The following RAB11FIP2 variants were observed in gnomAD, a reference collection of about 807,000 sequenced individuals.
The protein encoded by RAB11FIP2 is rab11 family-interacting protein 2.
In RAB11FIP2, 16 loss-of-function variants were observed where a neutral mutation model predicts 40.9. The ratio of observed to expected loss-of-function variants is 0.39; its 90% CI spans 0.26 to 0.59. RAB11FIP2 has a LOEUF of 0.59. Ranked by LOEUF, RAB11FIP2 falls within the 20% of genes least tolerant of loss-of-function variation. RAB11FIP2 has a pLI of 0.53. For missense variants in RAB11FIP2, 532 were observed against 606.2 expected, an observed-to-expected ratio of 0.88 and a Z score of 1.28; for synonymous variants, 228 against 213.7, an observed-to-expected ratio of 1.07 and a Z score of -0.58.
In RAB11FIP2 at chr10:118,009,229, G is replaced by GA. The variant is rs1244630503; in HGVS notation, c.1312-5dup. 2 of 1,604,510 alleles carry GA rather than the reference G, an allele frequency of 1.2e-6. No homozygotes were observed. Among genetic ancestry groups the GA allele is most frequent in the South Asian group, 2.2e-5 (2 of 90,758 alleles). On this transcript the variant is annotated splice_polypyrimidine_tract_variant and splice_region_variant and intron_variant, in intron 4 of 4. Coordinates refer to ENST00000355624, the MANE Select transcript of RAB11FIP2 (RefSeq NM_014904.3). ...TGGCATCAAAGGGGTTGCTGTCCTA[G>GA]AACAGGATAAAGACTGTCACTTTCA...
chr10:118,014,594 A>T (rs1193447421), intron 4 of RAB11FIP2, among the ~76,000 whole-genome samples: 2 of 152,174 alleles, frequency 1.3e-5, no homozygotes, highest in African/African-American at 4.8e-5. Context: ...AGTGTCCTAA[A>T]GTATTTGTTC....
chr10:118,038,167 C>T (rs1456250112), intron 3 of RAB11FIP2, among the ~76,000 whole-genome samples: 1 of 151,582 alleles, frequency 6.6e-6, no homozygotes, highest in Non-Finnish European at 1.5e-5. Flanking sequence ...CCTTAATCAG[C>T]TATTTCATCG....
chr10:118,023,461 G>T (rs1846305513), intron 3 of RAB11FIP2, among the ~76,000 whole-genome samples: 1 of 152,048 alleles, frequency 6.6e-6, no homozygotes, highest in South Asian at 2.1e-4. Flanking sequence ...CAGATGAAAA[G>T]ACTACATTCT....
chr10:118,023,973 C>G (rs373048658), intron 3 of RAB11FIP2, among the ~76,000 whole-genome samples: 14 of 151,816 alleles, frequency 9.2e-5, no homozygotes, highest in African/African-American at 3.4e-4. Context: ...GTCTATAATC[C>G]CAGCTACTCA....
At position 118,007,452 on chromosome 10, in the gene RAB11FIP2, A is replaced by AC. The variant is rs1422342825; in HGVS notation, c.*1545_*1546insG. The stretch of plus-strand genomic sequence containing the variant: ...ATTCAAAATACTAAAATAAGCAAAA[A>AC]AAAAAAACCCAAACTATTATATCGG... On this transcript the variant is annotated 3_prime_UTR_variant, in exon 5 of 5. Transcript: ENST00000355624. 1 of 151,846 alleles carries AC rather than the reference A, an allele frequency of 6.6e-6. No homozygotes were observed. Among genetic ancestry groups the AC allele is most frequent in the African/African-American group, 2.4e-5 (1 of 41,396 alleles). The allele number at this position is 151,846 out of a possible 1,614,324, so 9.4% of individuals were successfully genotyped here.
chr10:118,014,797 G>A (rs780775129), intron 4 of RAB11FIP2, among the ~76,000 whole-genome samples: 19 of 152,100 alleles, frequency 1.2e-4, no homozygotes, highest in Non-Finnish European at 2.6e-4. Flanking sequence ...TCAAAAGTCT[G>A]TAAACAAAAT....
rs1056911627 is a variant in RAB11FIP2 at position 118,040,195 on chromosome 10, T to C, written c.724A>G (p.Lys242Glu). The change falls in exon 2 of 5, where the codon AAG becomes GAG. Residue 242 changes from lysine to glutamate, a missense_variant. Lys to Glu is a moderately conservative substitution (Grantham distance 56). Transcript: ENST00000355624. Reference sequence around the variant, plus strand: ...TGTGTTTGACCTATGGTGCCAGCCTTCAGTTTCTCAGAAGACATATGGGAC... The same window carrying C: ...TGTGTTTGACCTATGGTGCCAGCCTCCAGTTTCTCAGAAGACATATGGGAC... ...SGSHMSSEKL[K>E]AGTIGQTHLL... is the part of the protein sequence containing the mutation. The C allele has an allele frequency of 1.2e-6, 2 of 1,613,862 alleles. No homozygotes were observed. The highest frequency in any genetic ancestry group is 1.7e-4 in the Middle Eastern group (1 of 6,060).
rs1370298735 is a variant in RAB11FIP2 at position 118,006,946 on chromosome 10, T to C, written c.*2052A>G. 6.6e-6 allele frequency: 1 copy of C among 152,452 alleles called. No individual in the cohort carries two copies. The highest frequency in any genetic ancestry group is 2.4e-5 in the African/African-American group (1 of 41,436). 9.4% of individuals were successfully genotyped at this position (152,452 alleles called of 1,614,324 possible). On this transcript the variant is annotated 3_prime_UTR_variant, in exon 5 of 5. Coordinates refer to ENST00000355624, the MANE Select transcript of RAB11FIP2 (RefSeq NM_014904.3). Reference sequence around the variant, plus strand: ...TACTTTTAAATGAGTTCTATTTATGTAAAACATATCCCCAATACAAAACTG... The same window carrying C: ...TACTTTTAAATGAGTTCTATTTATGCAAAACATATCCCCAATACAAAACTG...
In RAB11FIP2 at chr10:118,033,964, C is replaced by T. The variant is rs1846449329; in HGVS notation, c.1265+5008G>A. ...GGCCTTCCACTTGCATGCAGAGACC[C>T]AGGCTGCTCCTACTTACAGCTCTGC... On this transcript the variant is annotated intron_variant, in intron 3 of 4. Coordinates refer to ENST00000355624, the MANE Select transcript of RAB11FIP2 (RefSeq NM_014904.3). The T allele has an allele frequency of 4.3e-6, 3 of 701,660 alleles. No homozygotes were observed. In the African/African-American group the frequency reaches 5.2e-5, roughly 12 times the overall value. 43.5% of individuals were successfully genotyped at this position (701,660 alleles called of 1,614,324 possible). A position where few individuals can be genotyped will look rare whatever the true frequency, so the allele number is the denominator to read the frequency against.
chr10:118,015,106 G>A lies in RAB11FIP2; in HGVS notation c.1270C>T (p.His424Tyr). 1 of 1,607,596 alleles carries A rather than the reference G, an allele frequency of 6.2e-7. No homozygotes were observed. The highest frequency in any genetic ancestry group is 1.7e-5 in the Admixed American group (1 of 59,432). ...ASNIMPSSSF[H>Y]MSPTSNEDLR... ...TCTTCATTGCTTGTTGGACTCATATGAAAACTAATAAAACACAAACAAATG... is the reference window on the plus strand; with the variant it reads ...TCTTCATTGCTTGTTGGACTCATATAAAAACTAATAAAACACAAACAAATG... The change falls in exon 4 of 5, where the codon CAT becomes TAT. Residue 424 changes from histidine to tyrosine, a missense_variant. His to Tyr is a moderately conservative substitution (Grantham distance 83). Coordinates refer to ENST00000355624, the MANE Select transcript of RAB11FIP2 (RefSeq NM_014904.3).
rs1031136468 is a variant in RAB11FIP2 at position 118,046,461 on chromosome 10, G to A, written c.-298C>T. ...GTCTCCACCTTCCCCAGGCCTGCGG[G>A]GCACGTGAGGCCTGGCCACACGGAC... On this transcript the variant is annotated 5_prime_UTR_variant, in exon 1 of 5. Transcript: ENST00000355624. 9.7e-6 allele frequency: 3 copies of A among 308,386 alleles called. No individual in the cohort carries two copies. Among genetic ancestry groups the A allele is most frequent in the Admixed American group, 9.3e-5 (2 of 21,542 alleles). 19.1% of individuals were successfully genotyped at this position (308,386 alleles called of 1,614,324 possible).
At chr10:118,010,220 C>T (rs1487823011) in intron 4 of RAB11FIP2, among the ~76,000 whole-genome samples, 2 of 152,038 alleles carry the variant, frequency 1.3e-5, no homozygotes, top group African/African-American at 4.8e-5. Flanking sequence ...TACAACTAAG[C>T]AATTTTTTAT....
chr10:118,016,834 TG>T (rs1443679682), intron 3 of RAB11FIP2, among the ~76,000 whole-genome samples: 4 of 152,194 alleles, frequency 2.6e-5, no homozygotes, highest in Admixed American at 2.6e-4. Flanking sequence ...ATCTGTAAAA[TG>T]GAGATGGCAA....
Position 118,039,273 on chromosome 10 carries a change from T to C in RAB11FIP2, c.964A>G (p.Lys322Glu). ...TCGCTGCTTTCTTCAAATGGATTTTTCTTCCTTGGCAGTGTTGCAAATTTT... is the reference window on the plus strand; with the variant it reads ...TCGCTGCTTTCTTCAAATGGATTTTCCTTCCTTGGCAGTGTTGCAAATTTT... Reference protein sequence around the residue: ...PQKFATLPRKKNPFEESSETW... With the variant: ...PQKFATLPRKENPFEESSETW... The change falls in exon 3 of 5, where the codon AAA (lysine) becomes GAA (glutamate). Residue 322 changes from lysine to glutamate, a missense_variant. Transcript: ENST00000355624. The C allele has an allele frequency of 6.2e-7, 1 of 1,613,802 alleles. No individual in the cohort carries two copies. Among genetic ancestry groups the C allele is most frequent in the Non-Finnish European group, 8.5e-7 (1 of 1,179,770 alleles).
chr10:118,031,982 C>T (rs1846420607), intron 3 of RAB11FIP2, among the ~76,000 whole-genome samples: 1 of 151,886 alleles, frequency 6.6e-6, no homozygotes, highest in Non-Finnish European at 1.5e-5. Context: ...ACAGCTGCCC[C>T]CCTAACATCA....
At chr10:118,037,116 A>G (rs1394978250) in intron 3 of RAB11FIP2, among the ~76,000 whole-genome samples, 1 of 152,132 alleles carries the variant, frequency 6.6e-6, no homozygotes, top group Admixed American at 6.6e-5. Context: ...AAAGTTTAGT[A>G]AAGAGGGAAA....
rs1300310873 is a variant in RAB11FIP2, at chr10:118,008,489, ATATTT to A, written c.*504_*508del. 6.3e-6 allele frequency: 1 copy of A among 157,562 alleles called. No homozygotes were observed. Among genetic ancestry groups the A allele is most frequent in the Non-Finnish European group, 1.4e-5 (1 of 70,700 alleles). The allele number at this position is 157,562 out of a possible 1,614,324, so 9.8% of individuals were successfully genotyped here. On this transcript the variant is annotated 3_prime_UTR_variant, in exon 5 of 5. Transcript: ENST00000355624. ...ACATGTATATATGAGGTATATGCCT[ATATTT>A]TATATACAAGATACATGAATATATA...
chr10:118,005,470 T>C lies in RAB11FIP2; in HGVS notation c.*3528A>G, dbSNP rs1258875622. On this transcript the variant is annotated 3_prime_UTR_variant, in exon 5 of 5. Coordinates refer to ENST00000355624, the MANE Select transcript of RAB11FIP2 (RefSeq NM_014904.3). ...TTCTACATCTGTGCAAATGGGGGCT[T>C]TCCATGTGTGCTGACAGACCCTTCT... 4 of 152,632 alleles carry C rather than the reference T, an allele frequency of 2.6e-5. No individual in the cohort carries two copies. Among genetic ancestry groups the C allele is most frequent in the Non-Finnish European group, 5.9e-5 (4 of 68,044 alleles). 9.5% of individuals were successfully genotyped at this position (152,632 alleles called of 1,614,324 possible).
chr10:118,044,628 C>G (rs1846603052), intron 1 of RAB11FIP2, among the ~76,000 whole-genome samples: 1 of 151,990 alleles, frequency 6.6e-6, no homozygotes, highest in Admixed American at 6.6e-5. Context: ...TACACTTTTA[C>G]TCCACATATA....
Sources: allele counts gnomAD v4.1 joint callset (sites outside exome capture counted in the v4.1 genomes callset), GRCh38; gene constraint gnomAD v4.1.1; transcripts MANE v1.5; gene names NCBI Gene and HGNC (gene_info 2026-07-23, HGNC 2026-07-21).